The following EHMT2 variants were observed in gnomAD, a reference collection of about 807,000 sequenced individuals.
EHMT2 encodes histone-lysine N-methyltransferase EHMT2.
A neutral mutation model predicts 143.3 loss-of-function variants in EHMT2; 59 were observed. That is an observed-to-expected ratio of 0.41 (90% CI 0.33 to 0.51). The LOEUF is 0.51. Ranked by LOEUF, EHMT2 falls within the 20% of genes least tolerant of loss-of-function variation. The pLI, the probability that EHMT2 is intolerant of heterozygous loss-of-function variation, is 0.18. For synonymous variants in EHMT2, 604 were observed against 651.5 expected, an observed-to-expected ratio of 0.93 and a Z score of 1.11; for missense variants, 1,174 against 1,645.9, an observed-to-expected ratio of 0.71 and a Z score of 4.96.
Position 31,888,404 on chromosome 6 carries a change from T to G in EHMT2, c.1468A>C (p.Lys490Gln), listed in dbSNP as rs758776484. ...CCGCAGCCCGGGCAGCAGTGGTGTT[T>G]GACCATGCGGGCGCGGTGGGTCTCA... is the stretch of plus-strand genomic sequence containing the variant. The change falls in exon 12 of 28, where the codon AAA (lysine) becomes CAA (glutamine). Residue 490 changes from lysine (K) to glutamine (Q), a missense_variant. Transcript: ENST00000375537. The surrounding 1 kb of genome is among the most constrained non-coding windows in gnomAD (Gnocchi z 7.4). 4 of 1,612,878 alleles carry G rather than the reference T, an allele frequency of 2.5e-6. No individual in the cohort carries two copies. The highest frequency in any genetic ancestry group is 2.5e-6 in the Non-Finnish European group (3 of 1,179,934).
At chr6:31,886,705 A>G in intron 17 of EHMT2, 23 bp from the exon 18 acceptor site, 2 of 1,614,020 alleles carry the variant, frequency 1.2e-6, no homozygotes, top group Non-Finnish European at 1.7e-6. Flanking sequence ...CGGGCAAATG[A>G]GCCTTTGGGC....
At chr6:31,879,927 T>C in exon 28 of EHMT2, 1 of 915,552 alleles carries the variant, frequency 1.1e-6, no homozygotes, top group Non-Finnish European at 1.6e-6. Context: ...CTGTCAGACC[T>C]CCAGGGCCTG....
In EHMT2 at chr6:31,888,241, C is replaced by T. The variant is rs763813511; in HGVS notation, c.1545G>A (p.Val515=). ...CACAGGCCTTGTGGAAGCGGTGGGC[C>T]ACACGGAAGTCAGGGTGGCACTCCA... Residue 515 remains valine (V), a synonymous_variant, in exon 13 of 28, where the codon GTG becomes GTA. Transcript: ENST00000375537. The surrounding 1 kb of genome is among the most constrained non-coding windows in gnomAD (Gnocchi z 7.4). 1 of 1,612,984 alleles carries T rather than the reference C, an allele frequency of 6.2e-7. No homozygotes were observed. Among genetic ancestry groups the T allele is most frequent in the Non-Finnish European group, 8.5e-7 (1 of 1,179,984 alleles).
chr6:31,890,821 C>T (rs1291652774), intron 7 of EHMT2, among the ~76,000 whole-genome samples: 7 of 149,420 alleles, frequency 4.7e-5, no homozygotes, highest in South Asian at 2.2e-4. Context: ...GCCAAGATCA[C>T]GCCACTGCAC....
At chr6:31,885,099 G>C (rs1692316531) in intron 18 of EHMT2, 83 bp from the exon 19 acceptor site, 1 of 1,479,022 alleles carries the variant, frequency 6.8e-7, no homozygotes, top group African/African-American at 1.4e-5. Context: ...CTGTGTGTGT[G>C]AATCCCAGCT....
chr6:31,893,327 T>C (rs1765946201), intron 4 of EHMT2: 3 of 441,004 alleles, frequency 6.8e-6, no homozygotes, highest in African/African-American at 2.0e-5. Context: ...AGGAAAGATA[T>C]ACTTTTTTTA....
At chr6:31,893,223 C>A in intron 4 of EHMT2, 1 of 518,434 alleles carries the variant, frequency 1.9e-6, no homozygotes. Flanking sequence ...TTTACAACAG[C>A]TGAGGTGCGG....
At chr6:31,879,798 C>G (rs1763861688) in exon 28 of EHMT2, 2 of 490,858 alleles carry the variant, frequency 4.1e-6, no homozygotes, top group Non-Finnish European at 7.3e-6. Context: ...ACAAAAGGAA[C>G]CAGTTGGCAT....
chr6:31,896,073 G>T, intron 4 of EHMT2, 190 bp downstream of exon 4: 1 of 683,710 alleles, frequency 1.5e-6, no homozygotes. Context: ...CACCACCCAA[G>T]AATGTAAACT....
At position 31,883,939 on chromosome 6, in the gene EHMT2, C is replaced by T. The variant is rs766056547; in HGVS notation, c.2783G>A (p.Arg928Gln). ...GGGAATGGGCACGTTCTCATAGCCC[C>T]GAGCCACGTCCCTGCAGAAGACGGG... is the stretch of plus-strand genomic sequence containing the variant. The change falls in exon 22 of 28, where the codon CGG becomes CAG. Residue 928 changes from arginine (R) to glutamine (Q), a missense_variant. This residue lies in a region of EHMT2 where 608 missense variants were observed against 903.7 expected (regional missense o/e 0.67). Coordinates refer to ENST00000375537, the Ensembl canonical transcript of EHMT2. This position sits in a 1 kb window ranked among gnomAD's most constrained non-coding sequence, Gnocchi z 5.6. 8.1e-6 allele frequency: 13 copies of T among 1,613,482 alleles called. No individual in the cohort carries two copies. The highest frequency in any genetic ancestry group is 1.1e-5 in the Non-Finnish European group (13 of 1,179,800).
chr6:31,889,670 C>T lies in EHMT2; in HGVS notation c.865-68G>A, dbSNP rs1765433834. 3.8e-6 allele frequency: 6 copies of T among 1,590,672 alleles called. No individual in the cohort carries two copies. The highest frequency in any genetic ancestry group is 5.1e-6 in the Non-Finnish European group (6 of 1,172,814). ...AGACAATGAGGTGAGTAAAGAAAAC[C>T]ACCACCACCATTGCCCCCCGCCACT... On this transcript the variant is annotated intron_variant, in intron 7 of 27. Transcript: ENST00000375537. This position sits in a 1 kb window ranked among gnomAD's most constrained non-coding sequence, Gnocchi z 5.1.
In EHMT2 at chr6:31,892,803, C is replaced by T. The variant is rs201324317; in HGVS notation, c.667+23G>A. 414 of 1,611,908 alleles carry T rather than the reference C, an allele frequency of 2.6e-4. 1 individual carries two copies. Among genetic ancestry groups the T allele is most frequent in the Non-Finnish European group, 2.8e-4 (326 of 1,179,334 alleles). On this transcript the variant is annotated intron_variant, in intron 5 of 27. Coordinates refer to ENST00000375537, the Ensembl canonical transcript of EHMT2. ...TTCAGAACAGACCACATCAAGCCAC[C>T]GGGGGTGGGGGATGGGACTGACCTG... is the stretch of plus-strand genomic sequence containing the variant.
Position 31,884,496 on chromosome 6 carries a change from G to C in EHMT2, c.2667C>G (p.Asp889Glu). The C allele has an allele frequency of 1.9e-6, 3 of 1,612,968 alleles. No homozygotes were observed. Among genetic ancestry groups the C allele is most frequent in the Non-Finnish European group, 2.5e-6 (3 of 1,180,016 alleles). The change falls in exon 21 of 28, where the codon GAC becomes GAG. Residue 889 changes from aspartate to glutamate, a missense_variant. Around this residue, in one of 6 missense-constraint regions of EHMT2, gnomAD observed 608 missense variants for 903.7 expected, o/e 0.67. Coordinates refer to ENST00000375537, the Ensembl canonical transcript of EHMT2. This position sits in a 1 kb window ranked among gnomAD's most constrained non-coding sequence, Gnocchi z 7.3. ...ACACGTCGGAGCGCTCGGGAGTCAG[G>C]TCCCATGCTGTGTCCCCCTCTTTGT...
chr6:31,886,545 G>C, intron 18 of EHMT2, 36 bp downstream of exon 18: 1 of 1,584,478 alleles, frequency 6.3e-7, no homozygotes, highest in African/African-American at 1.3e-5. Context: ...CCAGGCACCA[G>C]GGACCCAGAG....
Position 31,889,235 on chromosome 6 carries a change from C to A in EHMT2, c.1107G>T (p.Glu369Asp), listed in dbSNP as rs1269875798. 15 of 1,606,742 alleles carry A rather than the reference C, an allele frequency of 9.3e-6. No homozygotes were observed. Among genetic ancestry groups the A allele is most frequent in the Non-Finnish European group, 1.2e-5 (14 of 1,177,644 alleles). ...GCAGCAGAGCCTCCTCACCTCGTGG[C>A]TCCTTGGCCCGCGGAGGCTCCCGCT... Residue 369 changes from glutamate (E) to aspartate (D), a missense_variant, in exon 9 of 28, where the codon GAG becomes GAT. Coordinates refer to ENST00000375537, the Ensembl canonical transcript of EHMT2. The surrounding 1 kb of genome is among the most constrained non-coding windows in gnomAD (Gnocchi z 5.1).
At chr6:31,887,617 G>A (rs537409290) in exon 15 of EHMT2, 16 of 1,612,904 alleles carry the variant, frequency 9.9e-6, no homozygotes, top group East Asian at 2.2e-5. Context: ...CCTGCTTCAC[G>A]GACAGGTACA....
chr6:31,879,881 C>T, exon 28 of EHMT2: 2 of 610,606 alleles, frequency 3.3e-6, no homozygotes. Flanking sequence ...CCTGAAGTTG[C>T]CCTCCCAGGG....
intron 7 of EHMT2, among the ~76,000 whole-genome samples, chr6:31,890,730 T>C (rs1379452102): frequency 6.7e-6 from 1 of 149,062 alleles, no homozygotes; most frequent in Non-Finnish European, 1.5e-5. Flanking sequence ...CTGGGCATGG[T>C]GGTGGGTGCC....
exon 7 of EHMT2, chr6:31,892,443 G>A (rs141605983): frequency 6.2e-7 from 1 of 1,613,014 alleles, no homozygotes; most frequent in Admixed American, 1.7e-5. Flanking sequence ...CCACAGAGTA[G>A]GAATCATAGT....
Sources: gnomAD v4.1 joint callset for allele counts (sites outside exome capture counted in the v4.1 genomes callset) on GRCh38, gnomAD v4.1.1 for gene constraint, gnomAD v4.1.1 regional missense constraint, Gnocchi (gnomAD v3.1) non-coding constraint, MANE v1.5 for transcripts, NCBI Gene and HGNC (gene_info 2026-07-23, HGNC 2026-07-21) for gene names.